Variants in DISC1 observed in about 807,000 individuals in gnomAD.
DISC1 encodes DISC1 scaffold protein, also known as disrupted in schizophrenia 1 protein.
In DISC1, 57 loss-of-function variants were observed where a neutral mutation model predicts 84.5. That is an observed-to-expected ratio of 0.67 (90% confidence interval 0.55 to 0.84). DISC1 has a LOEUF of 0.84. DISC1 is among the 40% of genes least tolerant of loss of function. DISC1 has a pLI of 0.00. For missense variants in DISC1, 1,000 were observed against 1,057.8 expected (o/e 0.95, Z 0.76); for synonymous variants, 411 against 415.2 (o/e 0.99, Z 0.12).
chr1:231,784,589 A>T (rs910089887), intron 6 of DISC1, among the ~76,000 whole-genome samples: 1 of 152,180 alleles, frequency 6.6e-6, no homozygotes, highest in Non-Finnish European at 1.5e-5. Flanking sequence ...TTTTGGTCAG[A>T]TTACTCTAAA....
intron 12 of DISC1, among the ~76,000 whole-genome samples, chr1:232,032,817 A>C (rs2103063082): frequency 6.6e-6 from 1 of 152,316 alleles, no homozygotes; most frequent in East Asian, 1.9e-4. Flanking sequence ...CTAAAATTCC[A>C]ATTGTTTTTC....
chr1:231,845,848 A>G (rs2083413413), intron 9 of DISC1, among the ~76,000 whole-genome samples: 1 of 152,092 alleles, frequency 6.6e-6, no homozygotes. Context: ...TTGGTGGCTC[A>G]GTTTGGGTGC....
chr1:231,772,253 A>G (rs1481020606), intron 6 of DISC1, among the ~76,000 whole-genome samples: 2 of 152,032 alleles, frequency 1.3e-5, no homozygotes, highest in Non-Finnish European at 2.9e-5. Flanking sequence ...ATTGCACCCA[A>G]TCTTTCTTGC....
chr1:231,807,646 A>C (rs965430291), intron 8 of DISC1, among the ~76,000 whole-genome samples: 5 of 152,150 alleles, frequency 3.3e-5, no homozygotes, highest in East Asian at 1.9e-4. Context: ...CATAGGATCC[A>C]TCCTCTGTCA....
At chr1:231,950,858 C>G (rs1183578438) in intron 9 of DISC1, among the ~76,000 whole-genome samples, 3 of 152,192 alleles carry the variant, frequency 2.0e-5, no homozygotes, top group African/African-American at 7.2e-5. Flanking sequence ...CCTGCCCACT[C>G]TCCCTTCCTG....
intron 8 of DISC1, among the ~76,000 whole-genome samples, chr1:231,803,694 A>G (rs2125662543): frequency 6.6e-6 from 1 of 152,144 alleles, no homozygotes; most frequent in African/African-American, 2.4e-5. Context: ...CACGCCTATA[A>G]TCCCAGCACT....
In DISC1 at chr1:232,009,016, C is replaced by G; in HGVS notation, c.2274C>G (p.Pro758=). 1 of 1,613,902 alleles carries G rather than the reference C, an allele frequency of 6.2e-7. No homozygotes were observed. The highest frequency in any genetic ancestry group is 8.5e-7 in the Non-Finnish European group (1 of 1,179,828). The change falls in exon 11 of 13, where the codon CCC becomes CCG. Residue 758 remains proline, a synonymous_variant. Transcript: ENST00000439617. The surrounding 1 kb of genome is among the most constrained non-coding windows in gnomAD (Gnocchi z 4.6). The stretch of plus-strand genomic sequence containing the variant: ...AAGAATGGAAGACTCACCTCATCCC[C>G]TCTCTGCACTGTGCTGGAGGTGAAC... ...VLEEWKTHLI[P]SLHCAGGEQK... is the part of the protein sequence containing the mutation.
intron 9 of DISC1, among the ~76,000 whole-genome samples, chr1:231,900,452 C>T (rs1171737737): frequency 6.6e-6 from 1 of 152,158 alleles, no homozygotes; most frequent in Non-Finnish European, 1.5e-5. Flanking sequence ...GTAGAAAAAC[C>T]TTTCGTTTTT....
At position 231,658,058 on chromosome 1, in the gene DISC1, A is replaced by C. The variant is rs376454749; in HGVS notation, c.67+31124A>C. ...TAATGGGAATAGCATTGAATCTATA[A>C]ATTGCTTTGGGCAGTATGGCTATTT... On this transcript the variant is annotated intron_variant, in intron 1 of 12. Coordinates refer to ENST00000439617, the MANE Select transcript of DISC1 (RefSeq NM_018662.3). Among the ~76,000 whole-genome samples the C allele has an allele frequency of 2.0e-5, 3 of 152,208 alleles. No individual in the cohort carries two copies. The South Asian group carries it at 6.2e-4, about 32-fold the overall frequency.
chr1:231,828,975 T>C (rs2082043118), intron 9 of DISC1, among the ~76,000 whole-genome samples: 1 of 152,198 alleles, frequency 6.6e-6, no homozygotes, highest in Non-Finnish European at 1.5e-5. Context: ...AGAGCCATAC[T>C]CTTCATTATA....
chr1:231,952,803 A>G (rs919061331), intron 9 of DISC1, among the ~76,000 whole-genome samples: 5 of 151,506 alleles, frequency 3.3e-5, no homozygotes, highest in African/African-American at 1.2e-4. Flanking sequence ...TTTACAAACA[A>G]TGAGATTTTC....
chr1:231,858,894 C>T (rs373501848), intron 9 of DISC1, among the ~76,000 whole-genome samples: 1 of 152,244 alleles, frequency 6.6e-6, no homozygotes, highest in South Asian at 2.1e-4. Flanking sequence ...TCAGGGTCAC[C>T]CTTGTGAAAG....
rs1402739954 is a variant in DISC1, at chr1:232,040,398, CAT to C, written c.*3568_*3569del. On this transcript the variant is annotated 3_prime_UTR_variant, in exon 13 of 13. Coordinates refer to ENST00000439617, the MANE Select transcript of DISC1 (RefSeq NM_018662.3). ...AAGGCTGGTTTCCCCACCCCAGAAA[CAT>C]GTAACGGTTGGTACCATGCTAAGCC... 1 of 152,244 alleles carries C rather than the reference CAT, an allele frequency of 6.6e-6. No homozygotes were observed. Among genetic ancestry groups the C allele is most frequent in the Non-Finnish European group, 1.5e-5 (1 of 68,066 alleles). 9.4% of individuals were successfully genotyped at this position (152,244 alleles called of 1,614,324 possible).
chr1:231,928,609 T>C (rs1035032690), intron 9 of DISC1, among the ~76,000 whole-genome samples: 9 of 152,216 alleles, frequency 5.9e-5, no homozygotes, highest in African/African-American at 2.2e-4. Context: ...CTTTTGAATT[T>C]ATTTGCTCTT....
chr1:231,780,589 G>A (rs1029241735), intron 6 of DISC1, among the ~76,000 whole-genome samples: 1 of 131,474 alleles, frequency 7.6e-6, no homozygotes, highest in African/African-American at 2.9e-5. Context: ...AACCATTGTG[G>A]AAGTCAGTGT....
intron 3 of DISC1, among the ~76,000 whole-genome samples, chr1:231,727,666 T>G (rs1270173380): frequency 1.3e-5 from 2 of 152,172 alleles, no homozygotes; most frequent in African/African-American, 4.8e-5. Context: ...GTAACAACTC[T>G]TCTACTTGTG....
At chr1:231,987,911 T>G (rs7515679) in intron 10 of DISC1, among the ~76,000 whole-genome samples, 17,010 of 152,140 alleles carry the variant, frequency 0.11, 2,932 homozygotes, top group African/African-American at 0.37. Flanking sequence ...AACTTGGGCC[T>G]GGTATGGTGG....
At chr1:231,731,873 G>A (rs749227605) in intron 3 of DISC1, among the ~76,000 whole-genome samples, 2 of 152,204 alleles carry the variant, frequency 1.3e-5, no homozygotes, top group Non-Finnish European at 2.9e-5. Context: ...TGAGCCAGAC[G>A]CTCTGCTCTC....
At chr1:232,018,108 C>T (rs187495258) in intron 11 of DISC1, among the ~76,000 whole-genome samples, 1 of 152,278 alleles carries the variant, frequency 6.6e-6, no homozygotes, top group Admixed American at 6.5e-5. Context: ...GCCTACCTAG[C>T]AATTTAACTT....
Sources: gnomAD v4.1 joint callset for allele counts (sites outside exome capture counted in the v4.1 genomes callset) on GRCh38, gnomAD v4.1.1 for gene constraint, Gnocchi (gnomAD v3.1) non-coding constraint, MANE v1.5 for transcripts, NCBI Gene and HGNC (gene_info 2026-07-23, HGNC 2026-07-21) for gene names.